The following TRIQK variants were observed in gnomAD, a reference collection of about 807,000 sequenced individuals.
TRIQK encodes triple QxxK/R motif-containing protein.
In TRIQK, 10 loss-of-function variants were observed where a neutral mutation model predicts 10.8. That is an observed-to-expected ratio of 0.92 (90% CI 0.57 to 1.57). The LOEUF is 1.57. Ranked by LOEUF, TRIQK falls within the 40% of genes most tolerant of loss-of-function variation. The pLI, the probability that TRIQK is intolerant of heterozygous loss-of-function variation, is 0.00. For missense variants in TRIQK, 107 were observed against 97.7 expected, an observed-to-expected ratio of 1.09 and a Z score of -0.40; for synonymous variants, 33 against 33.7, an observed-to-expected ratio of 0.98 and a Z score of 0.07.
At chr8:92,909,650 A>C (rs1011690451) in intron 3 of TRIQK, among the ~76,000 whole-genome samples, 2 of 151,858 alleles carry the variant, frequency 1.3e-5, no homozygotes, top group Non-Finnish European at 3.0e-5. Flanking sequence ...CTAAGCTTAG[A>C]GCTGCTAAAG....
At chr8:93,011,737 G>A (rs531907832) in intron 1 of TRIQK, among the ~76,000 whole-genome samples, 5 of 152,214 alleles carry the variant, frequency 3.3e-5, no homozygotes, top group South Asian at 2.1e-4. Flanking sequence ...CAAACATTTT[G>A]TCATTCAACC....
At chr8:92,914,440 A>G (rs748332717) in intron 3 of TRIQK, among the ~76,000 whole-genome samples, 62 of 152,224 alleles carry the variant, frequency 4.1e-4, no homozygotes, top group Non-Finnish European at 7.2e-4. Flanking sequence ...ACAAAATAAA[A>G]AGGTAATCTA....
chr8:92,897,003 G>C (rs1313670747), intron 3 of TRIQK, among the ~76,000 whole-genome samples: 1 of 151,982 alleles, frequency 6.6e-6, no homozygotes, highest in Non-Finnish European at 1.5e-5. Context: ...TTTTAGTAGA[G>C]ATGGGGTTTC....
chr8:92,932,456 G>C (rs1389775335), intron 2 of TRIQK, among the ~76,000 whole-genome samples: 2 of 152,028 alleles, frequency 1.3e-5, no homozygotes, highest in Admixed American at 1.3e-4. Flanking sequence ...GTGTTAACTT[G>C]GATCACTTGA....
At chr8:92,922,880 T>G (rs1810258798) in intron 2 of TRIQK, among the ~76,000 whole-genome samples, 1 of 151,800 alleles carries the variant, frequency 6.6e-6, no homozygotes, top group East Asian at 1.9e-4. Context: ...TTGGTATTAT[T>G]TAATCAAAAT....
chr8:92,953,709 T>C (rs139201809), intron 2 of TRIQK: 2 of 152,004 alleles, frequency 1.3e-5, no homozygotes, highest in Admixed American at 6.6e-5. Flanking sequence ...GAGTTGAAGA[T>C]GAAATTAGAG....
chr8:92,979,933 A>G (rs1319439008), intron 1 of TRIQK, among the ~76,000 whole-genome samples: 1 of 152,090 alleles, frequency 6.6e-6, no homozygotes, highest in Non-Finnish European at 1.5e-5. Context: ...TCTTCCCTTT[A>G]ACTGTATATA....
intron 1 of TRIQK, among the ~76,000 whole-genome samples, chr8:92,998,610 T>C (rs746869314): frequency 9.5e-4 from 144 of 152,218 alleles, no homozygotes; most frequent in Admixed American, 2.9e-3. Context: ...GAGTTGTAGG[T>C]AAGTATGTAA....
At chr8:92,982,306 C>T (rs1465999517) in intron 1 of TRIQK, among the ~76,000 whole-genome samples, 7 of 151,818 alleles carry the variant, frequency 4.6e-5, no homozygotes, top group Admixed American at 4.6e-4. Flanking sequence ...AACTAGATAG[C>T]TGGCCTATCA....
intron 3 of TRIQK, among the ~76,000 whole-genome samples, chr8:92,896,268 G>A (rs1487805305): frequency 9.9e-5 from 15 of 152,168 alleles, no homozygotes; most frequent in Admixed American, 9.2e-4. Context: ...GGACACAAGG[G>A]ATAAGTCTTA....
chr8:92,898,833 G>GTATGTATATATATA (rs1554598346), intron 3 of TRIQK, among the ~76,000 whole-genome samples: 1 of 73,902 alleles, frequency 1.4e-5, no homozygotes, highest in South Asian at 5.7e-4. Context: ...GTGTGTGTGT[G>GTATGTATATATATA]TATATATATA....
At chr8:92,918,785 A>C (rs1466210825) in intron 2 of TRIQK, among the ~76,000 whole-genome samples, 3 of 142,724 alleles carry the variant, frequency 2.1e-5, no homozygotes, top group Non-Finnish European at 4.6e-5. Flanking sequence ...ACCCCCCCCC[A>C]CAATTTTTGC....
chr8:92,900,978 G>A (rs1377292632), intron 3 of TRIQK, among the ~76,000 whole-genome samples: 1 of 151,380 alleles, frequency 6.6e-6, no homozygotes, highest in East Asian at 1.9e-4. Context: ...TTATTCCTAG[G>A]TGTTTTGTTT....
At chr8:92,994,647 C>G (rs1504693) in intron 1 of TRIQK, among the ~76,000 whole-genome samples, 39,702 of 151,622 alleles carry the variant, frequency 0.26, 6,166 homozygotes, top group African/African-American at 0.43. Context: ...TGTTAATCTA[C>G]AAGTCCTGGT....
At chr8:92,930,875 G>A (rs1021417989) in intron 2 of TRIQK, among the ~76,000 whole-genome samples, 3 of 152,002 alleles carry the variant, frequency 2.0e-5, no homozygotes, top group Non-Finnish European at 4.4e-5. Context: ...TCATCCAGCT[G>A]GTACCAAAAA....
intron 1 of TRIQK, among the ~76,000 whole-genome samples, chr8:92,977,671 G>C (rs988457552): frequency 6.6e-6 from 1 of 152,064 alleles, no homozygotes; most frequent in African/African-American, 2.4e-5. Context: ...TTTTCATTAT[G>C]TGGAGCATAT....
In TRIQK at chr8:92,889,021, G is replaced by T. The variant is rs147080560; in HGVS notation, c.148-2286C>A. Among the ~76,000 whole-genome samples the T allele has an allele frequency of 1.6e-4, 24 of 151,440 alleles. No homozygotes were observed. The East Asian group carries it at 3.9e-3, about 25-fold the overall frequency. On this transcript the variant is annotated intron_variant, in intron 4 of 4. Coordinates refer to ENST00000521988, the MANE Select transcript of TRIQK (RefSeq NM_001171797.2). Reference sequence around the variant, plus strand: ...TAGTTGTGCAAACATTTTTTAGGCGGCACTCATTGCATTACTGGGCCATAA... The same window carrying T: ...TAGTTGTGCAAACATTTTTTAGGCGTCACTCATTGCATTACTGGGCCATAA...
chr8:92,975,305 C>T (rs1015299963), intron 1 of TRIQK, among the ~76,000 whole-genome samples: 1 of 152,126 alleles, frequency 6.6e-6, no homozygotes, highest in Non-Finnish European at 1.5e-5. Context: ...TAGAAATCTC[C>T]GAGGAAGCCA....
chr8:92,968,445 A>T (rs1230141463), upstream of TRIQK, among the ~76,000 whole-genome samples: 2 of 152,164 alleles, frequency 1.3e-5, no homozygotes, highest in African/African-American at 4.8e-5. Context: ...CTATTTCTCC[A>T]CATCCTCTCC....
Sources: allele counts gnomAD v4.1 joint callset (sites outside exome capture counted in the v4.1 genomes callset), GRCh38; gene constraint gnomAD v4.1.1; transcripts MANE v1.5; gene names NCBI Gene and HGNC (gene_info 2026-07-23, HGNC 2026-07-21).